ERC1: variants seen among roughly 807,000 people sequenced by gnomAD.
ERC1 encodes RAB6 interacting protein 2.
Under a neutral mutation model 132.0 loss-of-function variants are expected in ERC1, and 56 were observed. That is an observed-to-expected ratio of 0.42 (90% CI 0.34 to 0.53). ERC1 has a LOEUF of 0.53. ERC1 is among the 20% of genes least tolerant of loss of function. The pLI is 0.03. For synonymous variants in ERC1, 478 were observed against 476.1 expected (o/e 1.00, Z -0.05); for missense variants, 1,202 against 1,349.9 (o/e 0.89, Z 1.72).
intron 17 of ERC1, among the ~76,000 whole-genome samples, chr12:1,441,143 C>T (rs564331064): frequency 1.3e-5 from 2 of 152,112 alleles, no homozygotes; most frequent in Non-Finnish European, 2.9e-5. Flanking sequence ...ACTGCAACCT[C>T]CCCTTTTCAG....
chr12:1,312,918 T>G (rs1465292702), intron 15 of ERC1, among the ~76,000 whole-genome samples: 1 of 152,154 alleles, frequency 6.6e-6, no homozygotes, highest in Non-Finnish European at 1.5e-5. Context: ...TTCTTAACTC[T>G]CCATCATTAC....
chr12:1,420,921 G>GC (rs1491140508), intron 17 of ERC1, among the ~76,000 whole-genome samples: 1 of 6,490 alleles, frequency 1.5e-4, no homozygotes, highest in Non-Finnish European at 4.3e-4. Context: ...TTTTGGTTTG[G>GC]GGGGGGGGGG....
chr12:1,462,029 T>C (rs1370505036), intron 18 of ERC1, among the ~76,000 whole-genome samples: 1 of 152,222 alleles, frequency 6.6e-6, no homozygotes, highest in Non-Finnish European at 1.5e-5. Flanking sequence ...TAGTATCTAT[T>C]AGATACTTAA....
At chr12:1,432,646 A>C (rs1023937375) in intron 17 of ERC1, among the ~76,000 whole-genome samples, 2 of 152,232 alleles carry the variant, frequency 1.3e-5, no homozygotes, top group African/African-American at 4.8e-5. Flanking sequence ...AGGCACATAG[A>C]TTATCACAAA....
At position 1,196,991 on chromosome 12, in the gene ERC1, T is replaced by A. The variant is rs1244565315; in HGVS notation, c.2351+6939T>A. ...ATATATATATATTTTTTTTTTTTTTTTTTTTTTAAGACAGATTTTCCCTCT... is the reference window on the plus strand; with the variant it reads ...ATATATATATATTTTTTTTTTTTTTATTTTTTTAAGACAGATTTTCCCTCT... On this transcript the variant is annotated intron_variant, in intron 12 of 18. Coordinates refer to ENST00000360905, the MANE Select transcript of ERC1 (RefSeq NM_178040.4). Among the ~76,000 whole-genome samples, 57 of 135,750 alleles carry A rather than the reference T, an allele frequency of 4.2e-4. 1 individual carries two copies. Among genetic ancestry groups the A allele is most frequent in the African/African-American group, 1.3e-3 (44 of 34,768 alleles). 89.1% of individuals were successfully genotyped at this position (135,750 alleles called of 152,430 possible).
intron 13 of ERC1, chr12:1,244,591 A>G: frequency 2.2e-6 from 1 of 449,568 alleles, no homozygotes; most frequent in Non-Finnish European, 4.5e-6. Context: ...GTGTGATCTC[A>G]GCTCACTGCA....
chr12:1,148,356 A>G (rs1208509764), intron 8 of ERC1, among the ~76,000 whole-genome samples: 3 of 152,116 alleles, frequency 2.0e-5, no homozygotes, highest in African/African-American at 7.2e-5. Flanking sequence ...GGCACGTCTT[A>G]CATGGCAACA....
intron 12 of ERC1, among the ~76,000 whole-genome samples, chr12:1,216,607 A>AGGAGGGATGGGGGGCAGGGG (rs1485383560): frequency 3.6e-5 from 1 of 27,400 alleles, no homozygotes; most frequent in East Asian, 1.4e-3. Context: ...GGGGTCGGGG[A>AGGAGGGATGGGGGGCAGGGG]GGAGGGATGG....
chr12:1,243,177 G>C (rs2075929139), intron 13 of ERC1, among the ~76,000 whole-genome samples: 1 of 141,858 alleles, frequency 7.0e-6, no homozygotes, highest in African/African-American at 2.6e-5. Context: ...CTGGGCGACA[G>C]AGCGAGACTC....
chr12:1,469,185 C>T (rs1028996710), intron 18 of ERC1, among the ~76,000 whole-genome samples: 3 of 152,254 alleles, frequency 2.0e-5, no homozygotes, highest in African/African-American at 4.8e-5. Context: ...TGTGACTCCA[C>T]GCAGCTCTCT....
intron 1 of ERC1, among the ~76,000 whole-genome samples, chr12:1,016,027 G>T (rs1359289151): frequency 6.7e-6 from 1 of 149,874 alleles, no homozygotes; most frequent in Non-Finnish European, 1.5e-5. Context: ...TGAGATTTAT[G>T]TCAGAATTTC....
chr12:1,330,523 T>A (rs999149581), intron 15 of ERC1, among the ~76,000 whole-genome samples: 3 of 152,102 alleles, frequency 2.0e-5, no homozygotes, highest in African/African-American at 7.2e-5. Context: ...ACTCTTAATT[T>A]CTCTTTATCA....
At chr12:1,131,197 G>A (rs1340274859) in intron 7 of ERC1, among the ~76,000 whole-genome samples, 5 of 152,158 alleles carry the variant, frequency 3.3e-5, no homozygotes, top group Non-Finnish European at 7.3e-5. Context: ...TGTGGAGGTG[G>A]TGGTGAAAGC....
intron 15 of ERC1, among the ~76,000 whole-genome samples, chr12:1,327,323 C>T (rs752704633): frequency 2.0e-5 from 3 of 151,994 alleles, no homozygotes; most frequent in African/African-American, 2.4e-5. Flanking sequence ...GTTTTTTTAA[C>T]GTACTTTTAG....
At chr12:1,475,982 G>T (rs1392794872) in intron 18 of ERC1, among the ~76,000 whole-genome samples, 2 of 137,592 alleles carry the variant, frequency 1.5e-5, no homozygotes, top group Non-Finnish European at 3.2e-5. Context: ...AAAAAAAAAA[G>T]GCTGGGCAAG....
At chr12:1,098,512 T>C (rs899006296) in intron 3 of ERC1, among the ~76,000 whole-genome samples, 6 of 152,136 alleles carry the variant, frequency 3.9e-5, no homozygotes, top group African/African-American at 1.4e-4. Flanking sequence ...GTTGACTTGG[T>C]TGTGGGAAAT....
chr12:1,461,081 T>C (rs1380079140), intron 18 of ERC1, among the ~76,000 whole-genome samples: 1 of 142,892 alleles, frequency 7.0e-6, no homozygotes, highest in Non-Finnish European at 1.5e-5. Context: ...ACTATAAAAC[T>C]AAGCAACATG....
chr12:1,405,079 G>T (rs2154392536), intron 16 of ERC1, among the ~76,000 whole-genome samples: 1 of 151,960 alleles, frequency 6.6e-6, no homozygotes. Context: ...GGCAAAAGTT[G>T]CAGCGAGCTG....
intron 1 of ERC1, among the ~76,000 whole-genome samples, chr12:1,021,393 C>T (rs918468256): frequency 1.3e-5 from 2 of 151,926 alleles, no homozygotes; most frequent in Non-Finnish European, 2.9e-5. Flanking sequence ...AAGAGCAGGC[C>T]TACTTACTAC....
Sources: allele counts gnomAD v4.1 joint callset (sites outside exome capture counted in the v4.1 genomes callset), GRCh38; gene constraint gnomAD v4.1.1; transcripts MANE v1.5; gene names NCBI Gene and HGNC (gene_info 2026-07-23, HGNC 2026-07-21).